VAV3: variants seen among roughly 807,000 people sequenced by gnomAD.
The protein encoded by VAV3 is vav guanine nucleotide exchange factor 3.
VAV3 carries 94 observed loss-of-function variants against 131.2 expected under a neutral mutation model. The observed-to-expected ratio is 0.72, with a 90% confidence interval of 0.61 to 0.85. The LOEUF is 0.85. Among genes scored for constraint, VAV3 ranks in the 40% least tolerant of loss-of-function variants. The pLI, the probability that VAV3 is intolerant of heterozygous loss-of-function variation, is 0.00. For synonymous variants in VAV3, 349 were observed against 342.0 expected (o/e 1.02, Z -0.22); for missense variants, 939 against 1,002.7 (o/e 0.94, Z 0.86).
chr1:107,606,678 C>T, intron 22 of VAV3, among the ~76,000 whole-genome samples: 1 of 151,882 alleles, frequency 6.6e-6, no homozygotes, highest in East Asian at 1.9e-4. Flanking sequence ...CTTATAAGAG[C>T]TCCTTTTTAT....
rs189423092 is a variant in VAV3 at position 107,721,493 on chromosome 1, T to C, written c.1503-16432A>G. On this transcript the variant is annotated intron_variant, in intron 15 of 26. Coordinates refer to ENST00000370056, the MANE Select transcript of VAV3 (RefSeq NM_006113.5). ...GTTTAGAACCAAAACAGGGTAGGCA[T>C]AAGGGCCACAAGGCTGGATACAGAA... 3.3e-5 allele frequency among the ~76,000 whole-genome samples: 5 copies of C among 152,194 alleles called. No individual in the cohort carries two copies. In the East Asian group the frequency reaches 9.7e-4, roughly 29 times the overall value.
intron 2 of VAV3, among the ~76,000 whole-genome samples, chr1:107,795,088 G>C (rs1377550296): frequency 6.6e-6 from 1 of 152,140 alleles, no homozygotes; most frequent in Non-Finnish European, 1.5e-5. Context: ...AGAGGTATTT[G>C]GGGGCCACCA....
chr1:107,614,748 C>T (rs937264751), intron 21 of VAV3, among the ~76,000 whole-genome samples: 3 of 152,092 alleles, frequency 2.0e-5, no homozygotes, highest in African/African-American at 7.2e-5. Context: ...CTCCTTTGTT[C>T]ATTCATTCAA....
At chr1:107,676,901 G>A (rs924442757) in intron 19 of VAV3, among the ~76,000 whole-genome samples, 5 of 151,972 alleles carry the variant, frequency 3.3e-5, no homozygotes, top group Non-Finnish European at 5.9e-5. Context: ...ATATTACTTT[G>A]ACAAGTTATG....
At chr1:107,848,795 C>A (rs778932744) in intron 2 of VAV3, among the ~76,000 whole-genome samples, 1 of 152,052 alleles carries the variant, frequency 6.6e-6, no homozygotes, top group African/African-American at 2.4e-5. Context: ...TCTCTGTTTG[C>A]AGATGATATG....
intron 1 of VAV3, among the ~76,000 whole-genome samples, chr1:107,880,753 C>A (rs1557899103): frequency 1.3e-5 from 2 of 151,414 alleles, no homozygotes. Context: ...CTGAGATCAC[C>A]CCACTGTACT....
chr1:107,795,889 G>A (rs1274276762), intron 2 of VAV3, among the ~76,000 whole-genome samples: 1 of 152,090 alleles, frequency 6.6e-6, no homozygotes, highest in Non-Finnish European at 1.5e-5. Context: ...GAAAGTAATG[G>A]ACCGAAAGAT....
intron 15 of VAV3, among the ~76,000 whole-genome samples, chr1:107,712,119 T>C: frequency 6.6e-6 from 1 of 152,218 alleles, no homozygotes; most frequent in East Asian, 1.9e-4. Context: ...CACACAAACA[T>C]ACTCTCTCTC....
At chr1:107,671,112 T>C (rs1347731191) in intron 19 of VAV3, among the ~76,000 whole-genome samples, 2 of 152,228 alleles carry the variant, frequency 1.3e-5, no homozygotes, top group Non-Finnish European at 2.9e-5. Flanking sequence ...TAGAGAAATA[T>C]ATGTACACTT....
chr1:107,671,965 A>G (rs78829564), intron 19 of VAV3, among the ~76,000 whole-genome samples: 1 of 152,118 alleles, frequency 6.6e-6, no homozygotes, highest in East Asian at 1.9e-4. Context: ...TTGTTATGCA[A>G]TAACAAAAAA....
intron 9 of VAV3, among the ~76,000 whole-genome samples, chr1:107,763,295 A>C: frequency 6.6e-6 from 1 of 152,176 alleles, no homozygotes; most frequent in East Asian, 1.9e-4. Context: ...CCCTAAGTCG[A>C]GCATTGACTG....
intron 17 of VAV3, among the ~76,000 whole-genome samples, chr1:107,702,221 G>C (rs1257917566): frequency 6.6e-6 from 1 of 152,178 alleles, no homozygotes; most frequent in Non-Finnish European, 1.5e-5. Context: ...AAGTGAGACA[G>C]AGAGCAAGAG....
intron 2 of VAV3, among the ~76,000 whole-genome samples, chr1:107,863,384 A>G (rs1391313068): frequency 3.3e-5 from 5 of 152,090 alleles, no homozygotes; most frequent in Non-Finnish European, 7.4e-5. Context: ...AGCCTCCCCC[A>G]CTGACAGAAT....
chr1:107,718,605 T>C (rs1661273282), intron 15 of VAV3, among the ~76,000 whole-genome samples: 1 of 152,134 alleles, frequency 6.6e-6, no homozygotes, highest in Admixed American at 6.5e-5. Flanking sequence ...ATAGGAAGAA[T>C]CAATATCATG....
chr1:107,652,923 C>T (rs1026053933), intron 19 of VAV3, among the ~76,000 whole-genome samples: 2 of 152,036 alleles, frequency 1.3e-5, no homozygotes, highest in Admixed American at 1.3e-4. Flanking sequence ...TATACTCATC[C>T]TGAATACACT....
At chr1:107,872,081 C>T (rs1169563319) in intron 2 of VAV3, among the ~76,000 whole-genome samples, 1 of 152,082 alleles carries the variant, frequency 6.6e-6, no homozygotes, top group East Asian at 1.9e-4. Context: ...ATCCACAGAG[C>T]AGTGAGACCC....
chr1:107,903,020 A>T (rs1671941282), intron 1 of VAV3, among the ~76,000 whole-genome samples: 1 of 152,240 alleles, frequency 6.6e-6, no homozygotes, highest in Non-Finnish European at 1.5e-5. Context: ...CTAGTGTGAA[A>T]GAAATAATTT....
intron 2 of VAV3, among the ~76,000 whole-genome samples, chr1:107,787,897 C>A (rs900462699): frequency 6.6e-6 from 1 of 152,048 alleles, no homozygotes; most frequent in Admixed American, 6.5e-5. Context: ...CTGAAGACCC[C>A]AAACAGAGCA....
At chr1:107,621,024 G>GA (rs756678952) in intron 20 of VAV3, among the ~76,000 whole-genome samples, 1 of 151,420 alleles carries the variant, frequency 6.6e-6, no homozygotes, top group Non-Finnish European at 1.5e-5. Flanking sequence ...AACTATGCCA[G>GA]AACAAATGGT....
Sources: gnomAD v4.1 joint callset for allele counts (sites outside exome capture counted in the v4.1 genomes callset) on GRCh38, gnomAD v4.1.1 for gene constraint, MANE v1.5 for transcripts, NCBI Gene and HGNC (gene_info 2026-07-23, HGNC 2026-07-21) for gene names.